Variants in PTPRK observed in about 807,000 individuals in gnomAD.
The protein encoded by PTPRK is protein tyrosine phosphatase receptor type K.
In PTPRK, 75 loss-of-function variants were observed where a neutral mutation model predicts 178.0. The ratio of observed to expected loss-of-function variants is 0.42; its 90% CI spans 0.35 to 0.51. The LOEUF is 0.51. Ranked by LOEUF, PTPRK falls within the 20% of genes least tolerant of loss-of-function variation. PTPRK has a pLI of 0.02. For synonymous variants in PTPRK, 637 were observed against 620.6 expected, an observed-to-expected ratio of 1.03 and a Z score of -0.39; for missense variants, 1,441 against 1,797.8, an observed-to-expected ratio of 0.80 and a Z score of 3.59.
rs544857624 is a variant in PTPRK, at chr6:128,360,645, C to T, written c.223+36921G>A. Among the ~76,000 whole-genome samples, 8 of 152,178 alleles carry T rather than the reference C, an allele frequency of 5.3e-5. No individual in the cohort carries two copies. The South Asian group carries it at 8.3e-4, about 16-fold the overall frequency. ...TAGCAGAATTCCTAGACTAATTCTGCAAAATGTTCATAATCCAGGACCTAA... is the reference window on the plus strand; with the variant it reads ...TAGCAGAATTCCTAGACTAATTCTGTAAAATGTTCATAATCCAGGACCTAA... On this transcript the variant is annotated intron_variant, in intron 2 of 29. Transcript: ENST00000368226.
In PTPRK at chr6:128,085,785, G is replaced by A. The variant is rs1015462315; in HGVS notation, c.1466-1961C>T. Among the ~76,000 whole-genome samples the A allele has an allele frequency of 2.6e-5, 4 of 152,168 alleles. No individual in the cohort carries two copies. The East Asian group carries it at 7.7e-4, about 29-fold the overall frequency. On this transcript the variant is annotated intron_variant, in intron 8 of 29. Coordinates refer to ENST00000368226, the MANE Select transcript of PTPRK (RefSeq NM_002844.4). ...TATAGATTGCATTTGTAAGACAAAA[G>A]TTTGTGGCAAAGTTGTGGACAAGAG...
At chr6:128,369,204 T>C (rs1293330627) in intron 2 of PTPRK, among the ~76,000 whole-genome samples, 1 of 150,502 alleles carries the variant, frequency 6.6e-6, no homozygotes, top group Non-Finnish European at 1.5e-5. Context: ...CCCACTTCTA[T>C]ATTCCTGAAG....
At chr6:128,407,457 C>A (rs953019362) in intron 1 of PTPRK, among the ~76,000 whole-genome samples, 2 of 151,502 alleles carry the variant, frequency 1.3e-5, no homozygotes, top group African/African-American at 4.8e-5. Flanking sequence ...GGCAACAAAG[C>A]GAGATCCCCA....
intron 6 of PTPRK, among the ~76,000 whole-genome samples, chr6:128,212,885 T>A (rs1237587350): frequency 2.0e-5 from 3 of 152,054 alleles, no homozygotes; most frequent in African/African-American, 2.4e-5. Context: ...TGCTGCACTT[T>A]ACTATCCTTA....
chr6:128,171,768 G>C (rs1800294405), intron 7 of PTPRK, among the ~76,000 whole-genome samples: 1 of 151,734 alleles, frequency 6.6e-6, no homozygotes, highest in African/African-American at 2.4e-5. Flanking sequence ...TTTAAATTCT[G>C]GATGAATTTC....
intron 13 of PTPRK, among the ~76,000 whole-genome samples, chr6:128,049,460 C>T (rs925860868): frequency 1.3e-5 from 2 of 151,884 alleles, no homozygotes; most frequent in East Asian, 1.9e-4. Context: ...TTTATGTAAA[C>T]AAGTACATGG....
intron 2 of PTPRK, among the ~76,000 whole-genome samples, chr6:128,352,110 C>T (rs963795323): frequency 2.6e-5 from 4 of 151,440 alleles, no homozygotes; most frequent in Non-Finnish European, 5.9e-5. Context: ...AAAAATTAGC[C>T]GGGCATGGTG....
intron 2 of PTPRK, among the ~76,000 whole-genome samples, chr6:128,324,354 G>A (rs1028107241): frequency 6.6e-6 from 1 of 151,958 alleles, no homozygotes; most frequent in Non-Finnish European, 1.5e-5. Flanking sequence ...GTAAAAATAT[G>A]CTTTGTGTCA....
At chr6:128,418,855 T>A (rs1312569971) in intron 1 of PTPRK, among the ~76,000 whole-genome samples, 1 of 152,224 alleles carries the variant, frequency 6.6e-6, no homozygotes, top group African/African-American at 2.4e-5. Flanking sequence ...TCATTCTTTT[T>A]TTCCATCCCT....
chr6:128,401,432 G>A (rs1841003961), intron 1 of PTPRK, among the ~76,000 whole-genome samples: 1 of 152,096 alleles, frequency 6.6e-6, no homozygotes, highest in African/African-American at 2.4e-5. Flanking sequence ...AGAGAACACG[G>A]AACCAGAGAC....
chr6:128,251,446 T>C (rs143286464), intron 3 of PTPRK, among the ~76,000 whole-genome samples: 11 of 152,278 alleles, frequency 7.2e-5, no homozygotes, highest in African/African-American at 2.4e-4. Flanking sequence ...AGATGCATAA[T>C]TTTCCTTAAG....
intron 7 of PTPRK, among the ~76,000 whole-genome samples, chr6:128,111,289 A>G (rs1438834304): frequency 6.6e-6 from 1 of 152,196 alleles, no homozygotes; most frequent in Non-Finnish European, 1.5e-5. Flanking sequence ...TGCCAAAAGT[A>G]CTTTCCAGTA....
intron 1 of PTPRK, among the ~76,000 whole-genome samples, chr6:128,431,408 T>C (rs1844822121): frequency 6.6e-6 from 1 of 152,176 alleles, no homozygotes; most frequent in Non-Finnish European, 1.5e-5. Context: ...CTAAGCAGTC[T>C]GAAAATGTCT....
At chr6:128,438,652 C>T (rs1463284297) in intron 1 of PTPRK, among the ~76,000 whole-genome samples, 1 of 152,154 alleles carries the variant, frequency 6.6e-6, no homozygotes, top group Admixed American at 6.5e-5. Flanking sequence ...CAAAAAGATA[C>T]AAACAGTGAA....
intron 1 of PTPRK, among the ~76,000 whole-genome samples, chr6:128,453,350 C>T (rs1293270934): frequency 6.6e-6 from 1 of 152,176 alleles, no homozygotes; most frequent in African/African-American, 2.4e-5. Context: ...TCCAGCCCAA[C>T]CCTTTGCTGG....
chr6:128,006,032 T>C, intron 14 of PTPRK: 1 of 1,567,982 alleles, frequency 6.4e-7, no homozygotes, highest in Non-Finnish European at 8.7e-7. Flanking sequence ...TTACAGGTAG[T>C]AGGAGTAAGA....
chr6:128,104,701 A>G (rs1789395311), intron 7 of PTPRK, among the ~76,000 whole-genome samples: 1 of 152,244 alleles, frequency 6.6e-6, no homozygotes, highest in Non-Finnish European at 1.5e-5. Flanking sequence ...CTTCGGTAAC[A>G]GAAAAGCCAT....
chr6:127,993,782 C>T lies in PTPRK; in HGVS notation c.2845-1073G>A, dbSNP rs185051978. On this transcript the variant is annotated intron_variant, in intron 18 of 29. Transcript: ENST00000368226. ...CAATTGCAGAAGTATATACTCATAT[C>T]GTTTACATATAATGAACTAATGGGA... is the stretch of plus-strand genomic sequence containing the variant. Among the ~76,000 whole-genome samples, 288 of 151,516 alleles carry T rather than the reference C, an allele frequency of 1.9e-3. 1 individual carries two copies. The highest frequency in any genetic ancestry group is 6.6e-3 in the African/African-American group (273 of 41,426).
chr6:128,327,402 C>T (rs1297942930), intron 2 of PTPRK, among the ~76,000 whole-genome samples: 2 of 152,134 alleles, frequency 1.3e-5, no homozygotes, highest in Non-Finnish European at 2.9e-5. Context: ...ATTTCAATTT[C>T]TTTGCCTAGT....
Sources: gnomAD v4.1 joint callset for allele counts (sites outside exome capture counted in the v4.1 genomes callset) on GRCh38, gnomAD v4.1.1 for gene constraint, MANE v1.5 for transcripts, NCBI Gene and HGNC (gene_info 2026-07-23, HGNC 2026-07-21) for gene names.